The following PLEKHM3 variants were observed in gnomAD, a reference collection of about 807,000 sequenced individuals.
PLEKHM3 encodes pleckstrin homology domain-containing family M member 3.
In PLEKHM3, 45 loss-of-function variants were observed where a neutral mutation model predicts 81.8. The observed-to-expected ratio is 0.55, with a 90% CI of 0.43 to 0.71. PLEKHM3 has a LOEUF of 0.71. PLEKHM3 is among the 30% of genes least tolerant of loss of function. The pLI, the probability that PLEKHM3 is intolerant of heterozygous loss-of-function variation, is 0.00. For synonymous variants in PLEKHM3, 352 were observed against 356.4 expected (o/e 0.99, Z 0.14); for missense variants, 788 against 924.3 (o/e 0.85, Z 1.91).
intron 5 of PLEKHM3, among the ~76,000 whole-genome samples, chr2:207,926,968 C>G (rs371764751): frequency 6.6e-6 from 1 of 152,214 alleles, no homozygotes; most frequent in African/African-American, 2.4e-5. Context: ...TTGCTTTATT[C>G]TGTTTATATG....
chr2:208,012,072 C>T lies in PLEKHM3; in HGVS notation c.-318-10115G>A, dbSNP rs148068643. ...ATTTATTGTTTTTGAGACGGAGTCT[C>T]GCTCTGTCGCCCAGGCTGGAGTCCA... is the stretch of plus-strand genomic sequence containing the variant. On this transcript the variant is annotated intron_variant, in intron 1 of 7. Coordinates refer to ENST00000427836, the MANE Select transcript of PLEKHM3 (RefSeq NM_001080475.3). Among the ~76,000 whole-genome samples, 689 of 152,118 alleles carry T rather than the reference C, an allele frequency of 4.5e-3. 3 individuals carry two copies. The highest frequency in any genetic ancestry group is 9.7e-3 in the Admixed American group (148 of 15,280).
In PLEKHM3 at chr2:207,930,985, C is replaced by T. The variant is rs369568600; in HGVS notation, c.1827G>A (p.Lys609=). ...AAVLRLRQRL[K]SLRAYLFSCR... is the part of the protein sequence containing the mutation. ...AGCTGAACAAATAGGCTCGGAGCGACTTCAGCCGCTGCCGCAGCCGCAGCA... is the reference window on the plus strand; with the variant it reads ...AGCTGAACAAATAGGCTCGGAGCGATTTCAGCCGCTGCCGCAGCCGCAGCA... Residue 609 remains lysine, a synonymous_variant, in exon 5 of 8, where the codon AAG becomes AAA. Transcript: ENST00000427836. The T allele has an allele frequency of 1.1e-4, 171 of 1,613,678 alleles. No homozygotes were observed. The highest frequency in any genetic ancestry group is 1.3e-4 in the Non-Finnish European group (153 of 1,179,742).
intron 7 of PLEKHM3, among the ~76,000 whole-genome samples, chr2:207,856,350 C>T (rs2092437662): frequency 6.6e-6 from 1 of 152,142 alleles, no homozygotes; most frequent in Non-Finnish European, 1.5e-5. Flanking sequence ...TGAGTTAAGG[C>T]TCACTCTGTG....
In PLEKHM3 at chr2:207,826,843, A is replaced by G. The variant is rs1482548861; in HGVS notation, c.*1476T>C. The G allele has an allele frequency of 6.6e-6, 1 of 152,210 alleles. No individual in the cohort carries two copies. Among genetic ancestry groups the G allele is most frequent in the Non-Finnish European group, 1.5e-5 (1 of 68,040 alleles). 9.4% of individuals were successfully genotyped at this position (152,210 alleles called of 1,614,324 possible). On this transcript the variant is annotated 3_prime_UTR_variant, in exon 8 of 8. Coordinates refer to ENST00000427836, the MANE Select transcript of PLEKHM3 (RefSeq NM_001080475.3). Reference sequence around the variant, plus strand: ...CAGAATCTTCTCATAAAGTCTACTGAGAACTGTTCCATTATAAACATATTT... The same window carrying G: ...CAGAATCTTCTCATAAAGTCTACTGGGAACTGTTCCATTATAAACATATTT...
intron 7 of PLEKHM3, 60 bp downstream of exon 7, chr2:207,861,044 GC>G: frequency 1.3e-6 from 2 of 1,569,818 alleles, no homozygotes; most frequent in Non-Finnish European, 1.7e-6. Context: ...GCCTGATTTG[GC>G]CAAAGAAAAT....
rs745386939 is a variant in PLEKHM3 at position 207,822,498 on chromosome 2, G to A, written c.*5821C>T. 2.6e-5 allele frequency: 4 copies of A among 152,976 alleles called. No homozygotes were observed. Among genetic ancestry groups the A allele is most frequent in the Non-Finnish European group, 5.9e-5 (4 of 68,136 alleles). 9.5% of individuals were successfully genotyped at this position (152,976 alleles called of 1,614,324 possible). A position where few individuals can be genotyped will look rare whatever the true frequency, so the allele number is the denominator to read the frequency against. On this transcript the variant is annotated 3_prime_UTR_variant, in exon 8 of 8. Coordinates refer to ENST00000427836, the MANE Select transcript of PLEKHM3 (RefSeq NM_001080475.3). ...AAACAAACAAATAAACAAAAAGAGC[G>A]ATTGAAGAACAGCATAAAACAAAGT...
At chr2:207,862,167 C>T (rs764515202) in intron 6 of PLEKHM3, among the ~76,000 whole-genome samples, 5 of 152,186 alleles carry the variant, frequency 3.3e-5, no homozygotes, top group South Asian at 2.1e-4. Flanking sequence ...GCATTTCACA[C>T]GCCAGCTAGA....
In PLEKHM3 at chr2:207,865,801, A is replaced by AAAAAAAAAAAAAAAT; in HGVS notation, c.1951-4540_1951-4539insATTTTTTTTTTTTTT. Reference sequence around the variant, plus strand: ...CGACTCAAAAAAAAAAAAAAAAAAAAAGATATATATATATATATATATATA... The same window carrying AAAAAAAAAAAAAAAT: ...CGACTCAAAAAAAAAAAAAAAAAAAAAAAAAAAAAAAAAATAGATATATATATATATATATATATA... On this transcript the variant is annotated intron_variant, in intron 6 of 7. Transcript: ENST00000427836. Among the ~76,000 whole-genome samples, 12 of 25,288 alleles carry AAAAAAAAAAAAAAAT rather than the reference A, an allele frequency of 4.7e-4. 1 individual carries two copies. Among genetic ancestry groups the AAAAAAAAAAAAAAAT allele is most frequent in the Non-Finnish European group, 7.6e-4 (10 of 13,198 alleles). The allele number at this position is 25,288 out of a possible 152,430, so 16.6% of individuals were successfully genotyped here.
rs1370756625 is a variant in PLEKHM3 at position 207,919,381 on chromosome 2, C to T, written c.1887-10804G>A. On this transcript the variant is annotated intron_variant, in intron 5 of 7. Coordinates refer to ENST00000427836, the MANE Select transcript of PLEKHM3 (RefSeq NM_001080475.3). ...ACTTGGAGCGAGAGGTGAAACTATC[C>T]GTTTGGGCCAGGAGTGACATCATCT... Among the ~76,000 whole-genome samples the T allele has an allele frequency of 3.9e-5, 6 of 152,028 alleles. No homozygotes were observed. In the South Asian group the frequency reaches 6.2e-4, roughly 16 times the overall value.
At chr2:207,997,579 G>A (rs1021415393) in intron 2 of PLEKHM3, among the ~76,000 whole-genome samples, 15 of 152,164 alleles carry the variant, frequency 9.9e-5, no homozygotes, top group East Asian at 3.9e-4. Context: ...TGACCTCATC[G>A]AAAGAAATCC....
intron 6 of PLEKHM3, chr2:207,868,704 T>C (rs942793889): frequency 6.6e-6 from 1 of 152,236 alleles, no homozygotes; most frequent in African/African-American, 2.4e-5. Flanking sequence ...AGATTTTCTA[T>C]GATTTAGACT....
chr2:207,916,886 A>G (rs1171477195), intron 5 of PLEKHM3, among the ~76,000 whole-genome samples: 4 of 152,246 alleles, frequency 2.6e-5, no homozygotes, highest in Non-Finnish European at 5.9e-5. Context: ...TAGTAAAATT[A>G]ATATATAACT....
intron 6 of PLEKHM3, among the ~76,000 whole-genome samples, chr2:207,874,034 G>A (rs931445501): frequency 2.0e-5 from 3 of 152,180 alleles, no homozygotes; most frequent in Admixed American, 6.5e-5. Context: ...TCCACAAGTA[G>A]AAGCCACAAC....
At chr2:207,948,942 G>A (rs1018200082) in intron 3 of PLEKHM3, among the ~76,000 whole-genome samples, 12 of 152,070 alleles carry the variant, frequency 7.9e-5, no homozygotes, top group Non-Finnish European at 1.5e-5. Context: ...CTCCCAAAGT[G>A]CTAGGATTAC....
chr2:208,015,246 C>T (rs1226573614), intron 1 of PLEKHM3, among the ~76,000 whole-genome samples: 2 of 152,062 alleles, frequency 1.3e-5, no homozygotes, highest in Non-Finnish European at 2.9e-5. Context: ...TGAGTAGAAA[C>T]AAGACTCTAA....
At chr2:207,985,639 T>A (rs1212238485) in intron 2 of PLEKHM3, among the ~76,000 whole-genome samples, 1 of 152,134 alleles carries the variant, frequency 6.6e-6, no homozygotes, top group East Asian at 1.9e-4. Context: ...AATTATTGAC[T>A]ATTAATGTGC....
chr2:207,910,681 G>A (rs1459418584), intron 5 of PLEKHM3, among the ~76,000 whole-genome samples: 1 of 152,084 alleles, frequency 6.6e-6, no homozygotes, highest in Non-Finnish European at 1.5e-5. Flanking sequence ...GTCTCTTCTG[G>A]ATGGATGTTT....
Position 207,865,801 on chromosome 2 carries a change from A to AAAAAATATAT in PLEKHM3, c.1951-4540_1951-4539insATATATTTTT. 2.3e-3 allele frequency among the ~76,000 whole-genome samples: 57 copies of AAAAAATATAT among 25,280 alleles called. 15 individuals are homozygous for AAAAAATATAT. Among genetic ancestry groups the AAAAAATATAT allele is most frequent in the East Asian group, 6.7e-3 (6 of 898 alleles). 16.6% of individuals were successfully genotyped at this position (25,280 alleles called of 152,430 possible). A position where few individuals can be genotyped will look rare whatever the true frequency, so the allele number is the denominator to read the frequency against. On this transcript the variant is annotated intron_variant, in intron 6 of 7. Transcript: ENST00000427836. ...CGACTCAAAAAAAAAAAAAAAAAAA[A>AAAAAATATAT]AGATATATATATATATATATATATA...
At position 207,824,412 on chromosome 2, in the gene PLEKHM3, AGAGT is replaced by A. The variant is rs2092237096; in HGVS notation, c.*3903_*3906del. On this transcript the variant is annotated 3_prime_UTR_variant, in exon 8 of 8. Coordinates refer to ENST00000427836, the MANE Select transcript of PLEKHM3 (RefSeq NM_001080475.3). ...TGTTTCATAATCTAGTGATTTCAAG[AGAGT>A]GTGTCAGATCAACGGAGATGAATAA... The A allele has an allele frequency of 6.6e-6, 1 of 152,260 alleles. No homozygotes were observed. Among genetic ancestry groups the A allele is most frequent in the African/African-American group, 2.4e-5 (1 of 41,468 alleles). 9.4% of individuals were successfully genotyped at this position (152,260 alleles called of 1,614,324 possible). A position where few individuals can be genotyped will look rare whatever the true frequency, so the allele number is the denominator to read the frequency against.
Sources: allele counts gnomAD v4.1 joint callset (sites outside exome capture counted in the v4.1 genomes callset), GRCh38; gene constraint gnomAD v4.1.1; transcripts MANE v1.5; gene names NCBI Gene and HGNC (gene_info 2026-07-23, HGNC 2026-07-21).